Variants in ARHGEF37 observed in about 807,000 individuals in gnomAD.
ARHGEF37 encodes the protein Rho guanine nucleotide exchange factor (GEF) 37.
In ARHGEF37, 55 loss-of-function variants were observed where a neutral mutation model predicts 71.1. The observed-to-expected ratio is 0.77, with a 90% CI of 0.62 to 0.97. The LOEUF is 0.97. ARHGEF37 is among the 50% of genes least tolerant of loss of function. The pLI, the probability that ARHGEF37 is intolerant of heterozygous loss-of-function variation, is 0.00. For synonymous variants in ARHGEF37, 327 were observed against 350.6 expected (o/e 0.93, Z 0.75); for missense variants, 765 against 836.8 (o/e 0.91, Z 1.06).
At chr5:149,613,239 A>C (rs1752252708) in intron 4 of ARHGEF37, among the ~76,000 whole-genome samples, 1 of 152,260 alleles carries the variant, frequency 6.6e-6, no homozygotes, top group African/African-American at 2.4e-5. Flanking sequence ...ATAAAGTAAA[A>C]AGTAAAAATC....
intron 4 of ARHGEF37, 107 bp from the exon 5 acceptor site, chr5:149,616,459 GC>G (rs1186810477): frequency 3.8e-6 from 4 of 1,062,870 alleles, no homozygotes; most frequent in Non-Finnish European, 5.4e-6. Flanking sequence ...GGGGTGACTT[GC>G]CTGAGATCAC....
intron 1 of ARHGEF37, among the ~76,000 whole-genome samples, chr5:149,554,857 G>C (rs1432436000): frequency 4.6e-5 from 7 of 152,032 alleles, no homozygotes; most frequent in Admixed American, 3.3e-4. Flanking sequence ...TTTAGGCCAG[G>C]CACGGTGGCT....
intron 1 of ARHGEF37, among the ~76,000 whole-genome samples, chr5:149,587,311 T>C (rs922276270): frequency 2.0e-5 from 3 of 152,218 alleles, no homozygotes; most frequent in Admixed American, 1.3e-4. Flanking sequence ...AGATCGGCCA[T>C]GTGTCTTTAG....
chr5:149,632,326 G>A lies in ARHGEF37; in HGVS notation c.*135G>A. The A allele has an allele frequency of 9.9e-7, 1 of 1,011,932 alleles. No homozygotes were observed. The highest frequency in any genetic ancestry group is 2.6e-5 in the Admixed American group (1 of 38,298). The allele number at this position is 1,011,932 out of a possible 1,614,324, so 62.7% of individuals were successfully genotyped here. ...CAGGGTGGGTGAAGCACACTCAGGA[G>A]GCAGCCAGAAGACATGGGCGGGCCT... On this transcript the variant is annotated 3_prime_UTR_variant, in exon 13 of 13. Transcript: ENST00000333677.
Position 149,632,236 on chromosome 5 carries a change from T to G in ARHGEF37, c.*45T>G. On this transcript the variant is annotated 3_prime_UTR_variant, in exon 13 of 13. Coordinates refer to ENST00000333677, the MANE Select transcript of ARHGEF37 (RefSeq NM_001001669.3). ...ACATTGCCAAATGATGGGGGAGGCT[T>G]AGAGGCTCTGACCCTGGGGGGAAAA... The G allele has an allele frequency of 6.3e-7, 1 of 1,596,792 alleles. No homozygotes were observed. Among genetic ancestry groups the G allele is most frequent in the Non-Finnish European group, 8.6e-7 (1 of 1,167,236 alleles).
At chr5:149,552,730 C>A (rs915636190) in intron 1 of ARHGEF37, among the ~76,000 whole-genome samples, 1 of 151,562 alleles carries the variant, frequency 6.6e-6, no homozygotes, top group African/African-American at 2.4e-5. Flanking sequence ...CCCAGCTATT[C>A]GGGAGTCTGA....
chr5:149,611,733 C>T (rs567522808), intron 4 of ARHGEF37, among the ~76,000 whole-genome samples: 24 of 152,350 alleles, frequency 1.6e-4, no homozygotes, highest in African/African-American at 4.8e-4. Context: ...ATAGTTATCT[C>T]GGCTAGGCAG....
At chr5:149,631,884 G>A in intron 12 of ARHGEF37, 98 bp from the exon 13 acceptor site, 1 of 1,276,664 alleles carries the variant, frequency 7.8e-7, no homozygotes, top group Non-Finnish European at 1.1e-6. Context: ...ATGGGGACGA[G>A]AGCCAGGTGG....
chr5:149,613,708 A>G (rs999133186), intron 4 of ARHGEF37, among the ~76,000 whole-genome samples: 3 of 151,544 alleles, frequency 2.0e-5, no homozygotes, highest in African/African-American at 7.3e-5. Flanking sequence ...ATGCTTAACC[A>G]TAGTAATGAA....
At chr5:149,606,252 C>G (rs1763910501) in intron 3 of ARHGEF37, among the ~76,000 whole-genome samples, 1 of 152,208 alleles carries the variant, frequency 6.6e-6, no homozygotes, top group South Asian at 2.1e-4. Context: ...GCTGATCTCT[C>G]TCTCACACAG....
Position 149,632,240 on chromosome 5 carries a change from G to A in ARHGEF37, c.*49G>A. ...TGCCAAATGATGGGGGAGGCTTAGA[G>A]GCTCTGACCCTGGGGGGAAAAGAAG... On this transcript the variant is annotated 3_prime_UTR_variant, in exon 13 of 13. Coordinates refer to ENST00000333677, the MANE Select transcript of ARHGEF37 (RefSeq NM_001001669.3). 1.3e-6 allele frequency: 2 copies of A among 1,591,172 alleles called. No individual in the cohort carries two copies. The highest frequency in any genetic ancestry group is 1.7e-6 in the Non-Finnish European group (2 of 1,163,486).
chr5:149,618,925 A>G lies in ARHGEF37; in HGVS notation c.790-13A>G. Reference sequence around the variant, plus strand: ...ATGTGGATATTCTCAACCCTCACACACATTACTTTCAGACAGAAGACAAGG... The same window carrying G: ...ATGTGGATATTCTCAACCCTCACACGCATTACTTTCAGACAGAAGACAAGG... On this transcript the variant is annotated splice_polypyrimidine_tract_variant and intron_variant, in intron 6 of 12. Transcript: ENST00000333677. The G allele has an allele frequency of 1.9e-6, 3 of 1,605,464 alleles. No homozygotes were observed. In the African/African-American group the frequency reaches 4.0e-5, roughly 21 times the overall value.
intron 12 of ARHGEF37, among the ~76,000 whole-genome samples, chr5:149,631,160 C>T (rs1752870407): frequency 6.9e-6 from 1 of 144,124 alleles, no homozygotes; most frequent in Non-Finnish European, 1.5e-5. Context: ...TCCTTCCTTC[C>T]TTCCTTCCTT....
intron 4 of ARHGEF37, 133 bp downstream of exon 4, chr5:149,609,828 G>C: frequency 1.6e-6 from 2 of 1,271,988 alleles, no homozygotes; most frequent in South Asian, 2.9e-5. Context: ...GTGTTAGTCA[G>C]GATAGGGCAG....
At chr5:149,615,186 G>A (rs1435524694) in intron 4 of ARHGEF37, among the ~76,000 whole-genome samples, 3 of 151,962 alleles carry the variant, frequency 2.0e-5, no homozygotes, top group African/African-American at 7.3e-5. Context: ...ATGAGGTCTT[G>A]CTTTGTTGCC....
Position 149,633,976 on chromosome 5 carries a change from C to G in ARHGEF37, c.*1785C>G, listed in dbSNP as rs182114536. 2 of 152,280 alleles carry G rather than the reference C, an allele frequency of 1.3e-5. No homozygotes were observed. The highest frequency in any genetic ancestry group is 2.4e-5 in the African/African-American group (1 of 41,562). 9.4% of individuals were successfully genotyped at this position (152,280 alleles called of 1,614,324 possible). ...GATAAAAATAGAGAGCATAGGGGAA[C>G]AGATAATGAAATAGGAAACCCACTC... is the stretch of plus-strand genomic sequence containing the variant. On this transcript the variant is annotated 3_prime_UTR_variant, in exon 13 of 13. Coordinates refer to ENST00000333677, the MANE Select transcript of ARHGEF37 (RefSeq NM_001001669.3).
intron 2 of ARHGEF37, among the ~76,000 whole-genome samples, chr5:149,600,836 A>T (rs1364762391): frequency 2.0e-5 from 3 of 151,892 alleles, no homozygotes; most frequent in African/African-American, 7.3e-5. Context: ...GATGGGTTTC[A>T]CCATCTTGGC....
chr5:149,583,145 G>C (rs530899646), intron 1 of ARHGEF37, among the ~76,000 whole-genome samples: 1 of 151,340 alleles, frequency 6.6e-6, no homozygotes, highest in South Asian at 2.1e-4. Context: ...TTTTTTCTTT[G>C]TTTGTTTGTT....
At position 149,616,875 on chromosome 5, in the gene ARHGEF37, C is replaced by G. The variant is rs1580926588; in HGVS notation, c.658+109C>G. 1.6e-5 allele frequency: 19 copies of G among 1,168,722 alleles called. No individual in the cohort carries two copies. In the East Asian group the frequency reaches 4.4e-4, roughly 27 times the overall value. The allele number at this position is 1,168,722 out of a possible 1,614,324, so 72.4% of individuals were successfully genotyped here. A position where few individuals can be genotyped will look rare whatever the true frequency, so the allele number is the denominator to read the frequency against. The stretch of plus-strand genomic sequence containing the variant: ...AAAGAGAATGTAGTGGCTTATGTAA[C>G]TATAAATCCAGAGGTAATGCAAGCT... On this transcript the variant is annotated intron_variant, in intron 5 of 12. Coordinates refer to ENST00000333677, the MANE Select transcript of ARHGEF37 (RefSeq NM_001001669.3).
Sources: allele counts gnomAD v4.1 joint callset (sites outside exome capture counted in the v4.1 genomes callset), GRCh38; gene constraint gnomAD v4.1.1; transcripts MANE v1.5; gene names NCBI Gene and HGNC (gene_info 2026-07-23, HGNC 2026-07-21).